Variants in ARFGEF2 observed in about 807,000 individuals in gnomAD.
The protein encoded by ARFGEF2 is brefeldin A-inhibited guanine nucleotide-exchange protein 2.
ARFGEF2 carries 74 observed loss-of-function variants against 219.9 expected under a neutral mutation model. The observed-to-expected ratio is 0.34, with a 90% CI of 0.28 to 0.41. The LOEUF (loss-of-function observed/expected upper bound fraction) is 0.41. Ranked by LOEUF, ARFGEF2 falls within the 10% of genes least tolerant of loss-of-function variation. The pLI, the probability that ARFGEF2 is intolerant of heterozygous loss-of-function variation, is 1.00. For synonymous variants in ARFGEF2, 733 were observed against 799.2 expected (o/e 0.92, Z 1.40); for missense variants, 1,743 against 2,218.3 (o/e 0.79, Z 4.30).
rs1305750457 is a variant in ARFGEF2, at chr20:49,036,011, A to AT, written c.*2820dup. 2.2e-4 allele frequency: 85 copies of AT among 388,222 alleles called. No homozygotes were observed. The highest frequency in any genetic ancestry group is 6.9e-4 in the African/African-American group (33 of 48,020). The allele number at this position is 388,222 out of a possible 1,614,324, so 24.0% of individuals were successfully genotyped here. A position where few individuals can be genotyped will look rare whatever the true frequency, so the allele number is the denominator to read the frequency against. Reference sequence around the variant, plus strand: ...ACGAAATGAAAAAAAAAAAACCTGTATTTTTTTTGTTGTTCTTTTGTGATT... The same window carrying AT: ...ACGAAATGAAAAAAAAAAAACCTGTATTTTTTTTTGTTGTTCTTTTGTGATT... On this transcript the variant is annotated 3_prime_UTR_variant, in exon 39 of 39. Coordinates refer to ENST00000371917, the MANE Select transcript of ARFGEF2 (RefSeq NM_006420.3).
rs1281325047 is a variant in ARFGEF2 at position 49,035,700 on chromosome 20, C to CT, written c.*2504dup. ...AAGGCCTTATTTCTTTTTCAGAATG[C>CT]TTTAAGTGTTGATTATATGTGCTGG... On this transcript the variant is annotated 3_prime_UTR_variant, in exon 39 of 39. Coordinates refer to ENST00000371917, the MANE Select transcript of ARFGEF2 (RefSeq NM_006420.3). The CT allele has an allele frequency of 6.5e-6, 1 of 152,678 alleles. No individual in the cohort carries two copies. Among genetic ancestry groups the CT allele is most frequent in the Non-Finnish European group, 1.5e-5 (1 of 68,466 alleles). The allele number at this position is 152,678 out of a possible 1,614,324, so 9.5% of individuals were successfully genotyped here.
At chr20:48,923,843 A>G (rs1011684665) in intron 1 of ARFGEF2, among the ~76,000 whole-genome samples, 2 of 152,258 alleles carry the variant, frequency 1.3e-5, no homozygotes, top group Admixed American at 6.5e-5. Flanking sequence ...AGGGCCATTA[A>G]CGCTGAGAAT....
chr20:48,943,727 C>A (rs2123324119), intron 3 of ARFGEF2, among the ~76,000 whole-genome samples: 1 of 152,340 alleles, frequency 6.6e-6, no homozygotes, highest in South Asian at 2.1e-4. Flanking sequence ...TGAGCCACCA[C>A]ACCTGGCTCA....
chr20:48,987,021 T>A (rs2091330396), intron 16 of ARFGEF2, among the ~76,000 whole-genome samples: 1 of 152,212 alleles, frequency 6.6e-6, no homozygotes, highest in Non-Finnish European at 1.5e-5. Context: ...TTTTAATAAC[T>A]GTTTTGCCTC....
chr20:48,988,855 A>G lies in ARFGEF2; in HGVS notation c.2533+193A>G, dbSNP rs112531369. On this transcript the variant is annotated intron_variant, in intron 18 of 38. Transcript: ENST00000371917. ...TCTTGCTAGATTTCTGATGAGGAGC[A>G]AGAAGGAATTTAAAATTAGTAATCT... 9.0e-3 allele frequency among the ~76,000 whole-genome samples: 1,370 copies of G among 152,340 alleles called. 12 individuals carry two copies. The highest frequency in any genetic ancestry group is 0.014 in the Non-Finnish European group (965 of 68,026).
intron 13 of ARFGEF2, among the ~76,000 whole-genome samples, chr20:48,975,535 A>G (rs1223002147): frequency 6.6e-6 from 1 of 152,070 alleles, no homozygotes; most frequent in Non-Finnish European, 1.5e-5. Flanking sequence ...GGCACGGCAG[A>G]TCATGCCTGT....
chr20:48,949,449 C>T (rs1299883476), intron 3 of ARFGEF2, among the ~76,000 whole-genome samples: 3 of 152,162 alleles, frequency 2.0e-5, no homozygotes, highest in Admixed American at 2.0e-4. Flanking sequence ...GCACCTGCAG[C>T]AGCAATGTGA....
Position 48,953,804 on chromosome 20 carries a change from C to G in ARFGEF2, c.838+14C>G, listed in dbSNP as rs373985686. ...CATCACTGTCAGGTACGGGCTGATA[C>G]GGTATGGCTCTTTTTCCAAGTGTGA... is the stretch of plus-strand genomic sequence containing the variant. On this transcript the variant is annotated intron_variant, in intron 6 of 38. Transcript: ENST00000371917. The G allele has an allele frequency of 3.1e-6, 5 of 1,609,498 alleles. No homozygotes were observed. Among genetic ancestry groups the G allele is most frequent in the Non-Finnish European group, 4.2e-6 (5 of 1,176,744 alleles).
chr20:48,973,426 A>G (rs1024029873), intron 12 of ARFGEF2, 142 bp downstream of exon 12: 12 of 894,044 alleles, frequency 1.3e-5, no homozygotes, highest in South Asian at 1.2e-4. Context: ...TCCTGCCATC[A>G]TGAAACGACA....
intron 12 of ARFGEF2, among the ~76,000 whole-genome samples, 182 bp downstream of exon 12, chr20:48,973,466 G>A (rs1398102742): frequency 2.0e-5 from 3 of 152,158 alleles, no homozygotes; most frequent in East Asian, 3.8e-4. Flanking sequence ...TGATCATAGG[G>A]GCTGCAGAGA....
At chr20:49,022,866 G>A (rs1463864872) in intron 34 of ARFGEF2, among the ~76,000 whole-genome samples, 185 bp from the exon 35 acceptor site, 1 of 151,948 alleles carries the variant, frequency 6.6e-6, no homozygotes, top group East Asian at 1.9e-4. Context: ...TGTAATCCCA[G>A]CACTTTGGGA....
intron 3 of ARFGEF2, among the ~76,000 whole-genome samples, chr20:48,945,424 G>T (rs963259771): frequency 1.3e-4 from 20 of 152,326 alleles, no homozygotes; most frequent in Admixed American, 3.3e-4. Flanking sequence ...CTGTACCCAT[G>T]TGGTTCTGGC....
rs193168771 is a variant in ARFGEF2, at chr20:49,023,342, C to T, written c.4755+161C>T. The stretch of plus-strand genomic sequence containing the variant: ...ATGGCATGTTGATGCTTAAAATTGG[C>T]CTTGATGGGAGTTATTTACATCAGA... On this transcript the variant is annotated intron_variant, in intron 35 of 38. Coordinates refer to ENST00000371917, the MANE Select transcript of ARFGEF2 (RefSeq NM_006420.3). 2.7e-4 allele frequency among the ~76,000 whole-genome samples: 41 copies of T among 152,218 alleles called. No individual in the cohort carries two copies. The Middle Eastern group carries it at 0.01, about 38-fold the overall frequency.
intron 1 of ARFGEF2, among the ~76,000 whole-genome samples, chr20:48,933,389 G>A (rs542274934): frequency 2.6e-5 from 4 of 152,066 alleles, no homozygotes; most frequent in Non-Finnish European, 5.9e-5. Context: ...TGGCTGTGAC[G>A]TGGGCAGATG....
intron 25 of ARFGEF2, among the ~76,000 whole-genome samples, chr20:49,002,623 A>T (rs1438143026): frequency 1.3e-5 from 2 of 152,026 alleles, no homozygotes; most frequent in Non-Finnish European, 2.9e-5. Context: ...TTATTTATTT[A>T]TTTTTGAGAT....
chr20:48,931,434 T>C (rs1336324187), intron 1 of ARFGEF2, among the ~76,000 whole-genome samples: 3 of 152,170 alleles, frequency 2.0e-5, no homozygotes, highest in African/African-American at 4.8e-5. Flanking sequence ...TCTGTTGTCA[T>C]AGAGTTTATG....
rs574959172 is a variant in ARFGEF2 at position 49,001,569 on chromosome 20, G to T, written c.3432+3064G>T. 1.3e-4 allele frequency among the ~76,000 whole-genome samples: 20 copies of T among 152,322 alleles called. No individual in the cohort carries two copies. The East Asian group carries it at 3.7e-3, about 28-fold the overall frequency. ...AGCAAAGCTTCACACTAAGCATGGT[G>T]TGTATGCCTGGAGCATCTGTTTTAC... is the stretch of plus-strand genomic sequence containing the variant. On this transcript the variant is annotated intron_variant, in intron 25 of 38. Coordinates refer to ENST00000371917, the MANE Select transcript of ARFGEF2 (RefSeq NM_006420.3).
intron 20 of ARFGEF2, 28 bp from the exon 21 acceptor site, chr20:48,991,012 A>T (rs1271813490): frequency 6.2e-7 from 1 of 1,609,584 alleles, no homozygotes; most frequent in Admixed American, 1.7e-5. Flanking sequence ...TTGGAGTCAC[A>T]GTGTTCTCTC....
At chr20:49,031,843 A>G (rs555711870) in intron 37 of ARFGEF2, among the ~76,000 whole-genome samples, 1 of 152,034 alleles carries the variant, frequency 6.6e-6, no homozygotes, top group East Asian at 1.9e-4. Flanking sequence ...CTTGAGCCCG[A>G]GGAGGTCAAG....
Sources: gnomAD v4.1 joint callset for allele counts (sites outside exome capture counted in the v4.1 genomes callset) on GRCh38, gnomAD v4.1.1 for gene constraint, MANE v1.5 for transcripts, NCBI Gene and HGNC (gene_info 2026-07-23, HGNC 2026-07-21) for gene names.